The following FGF12 variants were observed in gnomAD, a reference collection of about 807,000 sequenced individuals.
FGF12 encodes fibroblast growth factor 12B.
A neutral mutation model predicts 23.6 loss-of-function variants in FGF12; 14 were observed. The observed-to-expected ratio is 0.59, with a 90% CI of 0.39 to 0.93. The LOEUF (loss-of-function observed/expected upper bound fraction) is 0.93. Ranked by LOEUF, FGF12 falls within the 40% of genes least tolerant of loss-of-function variation. FGF12 has a pLI of 0.00. For synonymous variants in FGF12, 62 were observed against 77.3 expected (o/e 0.80, Z 1.04); for missense variants, 175 against 217.8 (o/e 0.80, Z 1.24).
intron 2 of FGF12, among the ~76,000 whole-genome samples, chr3:192,534,818 C>T (rs1284659537): frequency 4.0e-5 from 6 of 151,864 alleles, no homozygotes; most frequent in Non-Finnish European, 8.8e-5. Context: ...TTAAAATTAC[C>T]GATTTTAGAA....
At chr3:192,416,413 C>A (rs760268290) in intron 2 of FGF12, among the ~76,000 whole-genome samples, 6 of 152,078 alleles carry the variant, frequency 3.9e-5, no homozygotes, top group Non-Finnish European at 5.9e-5. Flanking sequence ...GTTTATTTGC[C>A]TGTGAAACAA....
chr3:192,274,505 C>G (rs1261995666), intron 4 of FGF12, among the ~76,000 whole-genome samples: 1 of 151,800 alleles, frequency 6.6e-6, no homozygotes, highest in Non-Finnish European at 1.5e-5. Flanking sequence ...GATGGCTAAT[C>G]AGAAAAACTA....
chr3:192,635,781 G>C (rs997166020), intron 2 of FGF12, among the ~76,000 whole-genome samples: 1 of 152,144 alleles, frequency 6.6e-6, no homozygotes, highest in Non-Finnish European at 1.5e-5. Flanking sequence ...TAGTGCTATA[G>C]AGGTGGTTTC....
At chr3:192,180,498 T>A (rs1027465471) in intron 4 of FGF12, among the ~76,000 whole-genome samples, 4 of 152,188 alleles carry the variant, frequency 2.6e-5, no homozygotes, top group African/African-American at 9.7e-5. Flanking sequence ...CATGGCAAGA[T>A]ATGTGCTTCT....
Position 192,477,357 on chromosome 3 carries a change from G to T in FGF12, c.14-116819C>A, listed in dbSNP as rs567677944. Among the ~76,000 whole-genome samples, 10 of 152,294 alleles carry T rather than the reference G, an allele frequency of 6.6e-5. No individual in the cohort carries two copies. In the South Asian group the frequency reaches 1.9e-3, roughly 28 times the overall value. ...AGACCCCCAGGAAGAAAGCAGAGGT[G>T]GGAGAGTGGAGGGGATCTGGAGGCC... is the stretch of plus-strand genomic sequence containing the variant. On this transcript the variant is annotated intron_variant, in intron 2 of 5. Coordinates refer to ENST00000445105, the MANE Select transcript of FGF12 (RefSeq NM_004113.6).
At chr3:192,682,145 T>C (rs1249889416) in intron 2 of FGF12, among the ~76,000 whole-genome samples, 1 of 152,106 alleles carries the variant, frequency 6.6e-6, no homozygotes, top group Non-Finnish European at 1.5e-5. Context: ...ACATCTCAAG[T>C]TTTATGTTTC....
At chr3:192,164,833 A>G (rs980788211) in intron 5 of FGF12, among the ~76,000 whole-genome samples, 1 of 152,204 alleles carries the variant, frequency 6.6e-6, no homozygotes, top group African/African-American at 2.4e-5. Context: ...TTAACCCATT[A>G]GCAGCAAGTT....
intron 4 of FGF12, among the ~76,000 whole-genome samples, chr3:192,308,312 C>T (rs1242785560): frequency 6.6e-6 from 1 of 152,108 alleles, no homozygotes; most frequent in Non-Finnish European, 1.5e-5. Flanking sequence ...GTTGTTAAAC[C>T]GTTTGGAGGG....
intron 1 of FGF12, 22 bp downstream of exon 1, chr3:192,727,462 A>T (rs1324324946): frequency 3.4e-5 from 19 of 561,440 alleles, no homozygotes; most frequent in Non-Finnish European, 4.6e-5. Flanking sequence ...GCCCGCTCAG[A>T]TTTTTTTTTT....
chr3:192,161,358 A>G (rs1714864401), intron 5 of FGF12, among the ~76,000 whole-genome samples: 2 of 152,138 alleles, frequency 1.3e-5, no homozygotes, highest in African/African-American at 4.8e-5. Flanking sequence ...TCCATGAGAA[A>G]TACCCGGATG....
chr3:192,574,503 T>C (rs1039667137), intron 2 of FGF12, among the ~76,000 whole-genome samples: 2 of 152,160 alleles, frequency 1.3e-5, no homozygotes, highest in Non-Finnish European at 2.9e-5. Context: ...CACTGCACAA[T>C]TGGATAGTTC....
intron 2 of FGF12, among the ~76,000 whole-genome samples, chr3:192,657,974 T>TC (rs200402263): frequency 0.03 from 3,138 of 104,440 alleles, 109 homozygotes; most frequent in African/African-American, 0.091. Flanking sequence ...CACGAGACTA[T>TC]TTGGGTTTTT....
chr3:192,340,033 A>G (rs1335745058), intron 3 of FGF12, among the ~76,000 whole-genome samples: 1 of 152,132 alleles, frequency 6.6e-6, no homozygotes. Context: ...TACAACATAC[A>G]TTTGTGCTAC....
At chr3:192,400,226 T>C (rs941373761) in intron 2 of FGF12, among the ~76,000 whole-genome samples, 2 of 152,184 alleles carry the variant, frequency 1.3e-5, no homozygotes, top group Non-Finnish European at 2.9e-5. Context: ...ATAAAATTTG[T>C]GTTTGTAAAA....
At position 192,143,991 on chromosome 3, in the gene FGF12, G is replaced by C; in HGVS notation, c.*18C>G. 1 of 1,431,672 alleles carries C rather than the reference G, an allele frequency of 7.0e-7. No individual in the cohort carries two copies. 88.7% of individuals were successfully genotyped at this position (1,431,672 alleles called of 1,614,324 possible). ...GAAGGGGAAGGGATGAGAGAGGGAA[G>C]AAGGGGAGAGTTCTCAGCTATGTTG... On this transcript the variant is annotated 3_prime_UTR_variant, in exon 6 of 6. Transcript: ENST00000445105.
At position 192,684,818 on chromosome 3, in the gene FGF12, C is replaced by T. The variant is rs529429577; in HGVS notation, c.13+42363G>A. ...CTACAAAGTTCATTCATATCATAGT[C>T]TTCATTACAATCCTTCAAGCAGGCA... is the stretch of plus-strand genomic sequence containing the variant. On this transcript the variant is annotated intron_variant, in intron 2 of 5. Transcript: ENST00000445105. 5.3e-5 allele frequency among the ~76,000 whole-genome samples: 8 copies of T among 152,200 alleles called. 1 individual carries two copies. The South Asian group carries it at 1.7e-3, about 32-fold the overall frequency.
At chr3:192,628,550 A>C (rs1441506434) in intron 2 of FGF12, among the ~76,000 whole-genome samples, 1 of 150,004 alleles carries the variant, frequency 6.7e-6, no homozygotes, top group Non-Finnish European at 1.5e-5. Flanking sequence ...TTTTCATTCC[A>C]ACCAAAGTTT....
Position 192,408,363 on chromosome 3 carries a change from ATCGAAAACCCGGCGC to A in FGF12, c.14-47840_14-47826del. The A allele has an allele frequency of 4.2e-6, 6 of 1,422,814 alleles. No homozygotes were observed. In the South Asian group the frequency reaches 9.1e-5, roughly 21 times the overall value. The allele number at this position is 1,422,814 out of a possible 1,614,324, so 88.1% of individuals were successfully genotyped here. A position where few individuals can be genotyped will look rare whatever the true frequency, so the allele number is the denominator to read the frequency against. On this transcript the variant is annotated intron_variant, in intron 2 of 5. Transcript: ENST00000445105. The surrounding 1 kb of genome is among the most constrained non-coding windows in gnomAD (Gnocchi z 7.3). ...TGCTAAAATTTGAGGAGGCTGCAGT[ATCGAAAACCCGGCGC>A]TCACAAGGTTAGTCAAAGTCTGGGC...
At chr3:192,158,371 T>TTTC (rs879580028) in intron 5 of FGF12, among the ~76,000 whole-genome samples, 4 of 118,958 alleles carry the variant, frequency 3.4e-5, no homozygotes, top group Non-Finnish European at 5.4e-5. Flanking sequence ...TCTTTCTTTC[T>TTTC]TTCTTTCTTT....
Sources: gnomAD v4.1 joint callset for allele counts (sites outside exome capture counted in the v4.1 genomes callset) on GRCh38, gnomAD v4.1.1 for gene constraint, Gnocchi (gnomAD v3.1) non-coding constraint, MANE v1.5 for transcripts, NCBI Gene and HGNC (gene_info 2026-07-23, HGNC 2026-07-21) for gene names.